The following PEBP4 variants were observed in gnomAD, a reference collection of about 807,000 sequenced individuals.
PEBP4 encodes the protein phosphatidylethanolamine binding protein 4.
A neutral mutation model predicts 23.9 loss-of-function variants in PEBP4; 22 were observed. The ratio of observed to expected loss-of-function variants is 0.92; its 90% CI spans 0.66 to 1.31. The LOEUF is 1.31. PEBP4 is among the 40% of genes most tolerant of loss of function. The pLI is 0.00. For missense variants in PEBP4, 324 were observed against 281.7 expected (o/e 1.15, Z -1.07); for synonymous variants, 112 against 99.3 (o/e 1.13, Z -0.76).
At chr8:22,798,742 T>TC in intron 4 of PEBP4, 2 of 137,554 alleles carry the variant, frequency 1.5e-5, no homozygotes, top group Non-Finnish European at 1.6e-5. Context: ...TTTTTTTTTT[T>TC]TTTTTTTTTT....
intron 2 of PEBP4, among the ~76,000 whole-genome samples, chr8:22,926,407 C>T (rs376466795): frequency 6.6e-6 from 1 of 152,114 alleles, no homozygotes; most frequent in Non-Finnish European, 1.5e-5. Context: ...TGCAGTGGCG[C>T]AATCATGGCT....
At chr8:22,928,804 A>G (rs1809406644), upstream of PEBP4, among the ~76,000 whole-genome samples, 1 of 152,192 alleles carries the variant, frequency 6.6e-6, no homozygotes, top group African/African-American at 2.4e-5. Context: ...CAAGTAAAAT[A>G]ATTCCTGTCA....
chr8:22,742,572 G>T (rs1350220648), intron 4 of PEBP4, among the ~76,000 whole-genome samples: 1 of 152,192 alleles, frequency 6.6e-6, no homozygotes, highest in Non-Finnish European at 1.5e-5. Flanking sequence ...ATGACAAGGG[G>T]AGTGCTGTCT....
upstream of PEBP4, among the ~76,000 whole-genome samples, chr8:22,932,851 A>G (rs1249237639): frequency 6.6e-6 from 1 of 152,044 alleles, no homozygotes; most frequent in African/African-American, 2.4e-5. Flanking sequence ...CTAAAAATAC[A>G]AAAATTAGCC....
chr8:22,752,833 C>G (rs1301190890), intron 4 of PEBP4, among the ~76,000 whole-genome samples: 1 of 152,196 alleles, frequency 6.6e-6, no homozygotes, highest in African/African-American at 2.4e-5. Context: ...ATCTTTCTGC[C>G]TAACTCCCCA....
At chr8:22,920,140 A>C in intron 3 of PEBP4, 44 bp downstream of exon 3, 1 of 1,567,810 alleles carries the variant, frequency 6.4e-7, no homozygotes, top group Admixed American at 1.7e-5. Context: ...GAACATCAAG[A>C]CCCCCAACTG....
intron 6 of PEBP4, among the ~76,000 whole-genome samples, chr8:22,716,462 AG>A (rs1804421679): frequency 1.3e-5 from 2 of 152,178 alleles, no homozygotes; most frequent in South Asian, 4.1e-4. Flanking sequence ...ATTAGGCTCT[AG>A]GGGGGAAAGA....
chr8:22,781,655 C>T (rs1212204406), intron 4 of PEBP4, among the ~76,000 whole-genome samples: 1 of 152,184 alleles, frequency 6.6e-6, no homozygotes, highest in Non-Finnish European at 1.5e-5. Flanking sequence ...CCTCAGTTGG[C>T]TATGTCATGT....
At position 22,795,536 on chromosome 8, in the gene PEBP4, C is replaced by G. The variant is rs568477735; in HGVS notation, c.357+22101G>C. Among the ~76,000 whole-genome samples the G allele has an allele frequency of 4.2e-3, 636 of 152,220 alleles. 3 individuals are homozygous for G. The highest frequency in any genetic ancestry group is 7.4e-3 in the Non-Finnish European group (505 of 68,014). On this transcript the variant is annotated intron_variant, in intron 4 of 6. Transcript: ENST00000256404. ...TCTATTCTACCCTTCCCTTATTAGTCTTGTTTCACAACATTTTCTCAAATA... is the reference window on the plus strand; with the variant it reads ...TCTATTCTACCCTTCCCTTATTAGTGTTGTTTCACAACATTTTCTCAAATA...
At chr8:22,811,725 C>T (rs573399277) in intron 4 of PEBP4, among the ~76,000 whole-genome samples, 2 of 152,330 alleles carry the variant, frequency 1.3e-5, no homozygotes, top group South Asian at 2.1e-4. Context: ...TGACCAAAGG[C>T]TTCCAGGCTC....
chr8:22,809,550 C>T (rs1443812074), intron 4 of PEBP4, among the ~76,000 whole-genome samples: 2 of 152,144 alleles, frequency 1.3e-5, no homozygotes, highest in Non-Finnish European at 2.9e-5. Flanking sequence ...TTTTGGGCTC[C>T]AATCTCAGGC....
At chr8:22,780,424 C>T (rs1206643403) in intron 4 of PEBP4, among the ~76,000 whole-genome samples, 1 of 152,110 alleles carries the variant, frequency 6.6e-6, no homozygotes, top group African/African-American at 2.4e-5. Flanking sequence ...TGTCCAGGAC[C>T]CTACTAGGTC....
At chr8:22,936,323 G>T (rs1034262927) in intron 1 of PEBP4, among the ~76,000 whole-genome samples, 1 of 152,006 alleles carries the variant, frequency 6.6e-6, no homozygotes, top group African/African-American at 2.4e-5. Flanking sequence ...AATGGGTAAG[G>T]TTGTTGGTTA....
chr8:22,854,978 GTGTGTA>G (rs1389776429), intron 3 of PEBP4, among the ~76,000 whole-genome samples: 1 of 146,272 alleles, frequency 6.8e-6, no homozygotes, highest in Non-Finnish European at 1.5e-5. Flanking sequence ...GTCCAAATGA[GTGTGTA>G]TGTGTGAGTA....
At chr8:22,820,148 A>C (rs533887068) in intron 3 of PEBP4, among the ~76,000 whole-genome samples, 2 of 152,128 alleles carry the variant, frequency 1.3e-5, no homozygotes, top group Non-Finnish European at 2.9e-5. Context: ...TTGTCTTCCG[A>C]TTGCTTCTAT....
At position 22,865,722 on chromosome 8, in the gene PEBP4, G is replaced by C. The variant is rs562566895; in HGVS notation, c.259-47987C>G. On this transcript the variant is annotated intron_variant, in intron 3 of 6. Transcript: ENST00000256404. The surrounding 1 kb of genome is among the most constrained non-coding windows in gnomAD (Gnocchi z 6.9). Reference sequence around the variant, plus strand: ...CCCGGATCCCAGAGGAAAGGGGAGAGGAATCTCCCCACCGGATCTGGTGGG... The same window carrying C: ...CCCGGATCCCAGAGGAAAGGGGAGACGAATCTCCCCACCGGATCTGGTGGG... 1.4e-4 allele frequency among the ~76,000 whole-genome samples: 21 copies of C among 152,262 alleles called. No homozygotes were observed. The East Asian group carries it at 4.1e-3, about 29-fold the overall frequency.
At chr8:22,756,328 G>T (rs1052817686) in intron 4 of PEBP4, among the ~76,000 whole-genome samples, 3 of 152,224 alleles carry the variant, frequency 2.0e-5, no homozygotes, top group Non-Finnish European at 2.9e-5. Flanking sequence ...CCCTGCCAGA[G>T]ACCCTTAACC....
intron 1 of PEBP4, among the ~76,000 whole-genome samples, chr8:22,937,620 G>T (rs1809557099): frequency 6.6e-6 from 1 of 151,950 alleles, no homozygotes; most frequent in African/African-American, 2.4e-5. Context: ...ACCCCAAATA[G>T]TCAAAACAGT....
Position 22,864,421 on chromosome 8 carries a change from C to CA in PEBP4, c.259-46687_259-46686insT, listed in dbSNP as rs1425402212. 3.8e-5 allele frequency among the ~76,000 whole-genome samples: 5 copies of CA among 132,424 alleles called. No individual in the cohort carries two copies. In the South Asian group the frequency reaches 8.1e-4, roughly 22 times the overall value. The allele number at this position is 132,424 out of a possible 152,430, so 86.9% of individuals were successfully genotyped here. On this transcript the variant is annotated intron_variant, in intron 3 of 6. Coordinates refer to ENST00000256404, the MANE Select transcript of PEBP4 (RefSeq NM_144962.3). ...GGACTGTGTGACCTCTGAACCTAAC[C>CA]CAGGACCCAGCACTGACTTAAGAGG...
Sources: gnomAD v4.1 joint callset for allele counts (sites outside exome capture counted in the v4.1 genomes callset) on GRCh38, gnomAD v4.1.1 for gene constraint, Gnocchi (gnomAD v3.1) non-coding constraint, MANE v1.5 for transcripts, NCBI Gene and HGNC (gene_info 2026-07-23, HGNC 2026-07-21) for gene names.